The following TAFA2 variants were observed in gnomAD, a reference collection of about 807,000 sequenced individuals.
TAFA2 encodes TAFA chemokine like family member 2.
In TAFA2, 7 loss-of-function variants were observed where a neutral mutation model predicts 18.8. The observed-to-expected ratio is 0.37, with a 90% confidence interval of 0.21 to 0.70. The LOEUF (loss-of-function observed/expected upper bound fraction) is 0.70, where lower values mean the gene tolerates loss of function less well. TAFA2 is among the 30% of genes least tolerant of loss of function. TAFA2 has a pLI of 0.53. For synonymous variants in TAFA2, 60 were observed against 54.2 expected, an observed-to-expected ratio of 1.11 and a Z score of -0.47; for missense variants, 122 against 158.1, an observed-to-expected ratio of 0.77 and a Z score of 1.23.
chr12:62,225,291 T>C (rs1203011840), intron 1 of TAFA2, among the ~76,000 whole-genome samples: 1 of 152,168 alleles, frequency 6.6e-6, no homozygotes, highest in Non-Finnish European at 1.5e-5. Context: ...GCAAATGGTG[T>C]TGGGACAATA....
intron 1 of TAFA2, among the ~76,000 whole-genome samples, chr12:62,018,643 C>A (rs9739059): frequency 4.6e-5 from 7 of 151,904 alleles, no homozygotes; most frequent in African/African-American, 1.2e-4. Context: ...GAAACTGGAT[C>A]CCTTCCTTAC....
Position 61,708,585 on chromosome 12 carries a change from T to C in TAFA2, c.*1821A>G, listed in dbSNP as rs1201042972. The C allele has an allele frequency of 1.3e-5, 2 of 152,124 alleles. No individual in the cohort carries two copies. The highest frequency in any genetic ancestry group is 6.6e-5 in the Admixed American group (1 of 15,248). 9.4% of individuals were successfully genotyped at this position (152,124 alleles called of 1,614,324 possible). On this transcript the variant is annotated 3_prime_UTR_variant, in exon 5 of 5. Coordinates refer to ENST00000416284, the MANE Select transcript of TAFA2 (RefSeq NM_178539.5). ...GATGCAGAAACCCCAGGGCAACTTT[T>C]TTTTTATAATTTCATATAGTCTTGA...
chr12:62,110,515 C>T (rs1174436887), intron 1 of TAFA2, among the ~76,000 whole-genome samples: 4 of 151,630 alleles, frequency 2.6e-5, no homozygotes. Flanking sequence ...GGAGGACTCC[C>T]TCTTTTTCTA....
chr12:62,151,732 A>G (rs2062329811), intron 1 of TAFA2, among the ~76,000 whole-genome samples: 1 of 152,238 alleles, frequency 6.6e-6, no homozygotes, highest in Non-Finnish European at 1.5e-5. Flanking sequence ...CTTGTACATA[A>G]AATAGAAATC....
chr12:62,005,406 A>G (rs1880513982), intron 1 of TAFA2, among the ~76,000 whole-genome samples: 2 of 152,044 alleles, frequency 1.3e-5, no homozygotes, highest in African/African-American at 4.8e-5. Flanking sequence ...TTCCAATGAG[A>G]TCTTAAATAT....
At chr12:61,850,101 T>C (rs559313532) in intron 2 of TAFA2, among the ~76,000 whole-genome samples, 1 of 152,160 alleles carries the variant, frequency 6.6e-6, no homozygotes, top group Non-Finnish European at 1.5e-5. Context: ...AAAATCTTAC[T>C]CTGTATAAAT....
chr12:62,247,532 G>T (rs1007629313), intron 1 of TAFA2, among the ~76,000 whole-genome samples: 1 of 152,114 alleles, frequency 6.6e-6, no homozygotes, highest in Non-Finnish European at 1.5e-5. Context: ...CATGTTCAAA[G>T]TACAAAACCG....
intron 1 of TAFA2, among the ~76,000 whole-genome samples, chr12:62,227,841 T>C (rs75169413): frequency 0.023 from 3,485 of 152,282 alleles, 140 homozygotes; most frequent in African/African-American, 0.078. Context: ...TGTAGTTTTC[T>C]CAGTATCATT....
chr12:62,229,279 CT>C (rs1339720284), intron 1 of TAFA2, among the ~76,000 whole-genome samples: 1 of 151,834 alleles, frequency 6.6e-6, no homozygotes, highest in East Asian at 1.9e-4. Flanking sequence ...AAAAGTAGGC[CT>C]TTTTGTCTTT....
At chr12:62,069,517 A>G (rs1882573738) in intron 1 of TAFA2, among the ~76,000 whole-genome samples, 1 of 152,176 alleles carries the variant, frequency 6.6e-6, no homozygotes, top group Admixed American at 6.5e-5. Flanking sequence ...CTGTATTTCA[A>G]TAGCATGAAC....
At chr12:61,925,783 T>C (rs976541427) in intron 1 of TAFA2, among the ~76,000 whole-genome samples, 4 of 151,834 alleles carry the variant, frequency 2.6e-5, no homozygotes, top group African/African-American at 9.7e-5. Context: ...AACATCACAA[T>C]TAAAAGAACT....
intron 2 of TAFA2, among the ~76,000 whole-genome samples, chr12:61,838,236 G>A (rs1241081418): frequency 6.6e-6 from 1 of 151,902 alleles, no homozygotes; most frequent in African/African-American, 2.4e-5. Context: ...ATAGACAGAA[G>A]GGGAATCCAG....
intron 1 of TAFA2, among the ~76,000 whole-genome samples, chr12:61,960,955 G>C (rs1351572251): frequency 6.6e-6 from 1 of 151,806 alleles, no homozygotes. Context: ...AAATACCTGA[G>C]CCTAGGTAAT....
intron 1 of TAFA2, among the ~76,000 whole-genome samples, chr12:62,089,172 T>G (rs1430509645): frequency 1.3e-5 from 2 of 152,146 alleles, no homozygotes; most frequent in Non-Finnish European, 2.9e-5. Context: ...CCACGTTTAT[T>G]AACATTTGAA....
intron 2 of TAFA2, among the ~76,000 whole-genome samples, chr12:61,829,325 G>A (rs1455339723): frequency 6.6e-6 from 1 of 151,572 alleles, no homozygotes; most frequent in East Asian, 1.9e-4. Flanking sequence ...AGGCATTATT[G>A]AACTCGTATA....
At position 62,020,993 on chromosome 12, in the gene TAFA2, A is replaced by G. The variant is rs200558045; in HGVS notation, c.-1-153567T>C. On this transcript the variant is annotated intron_variant, in intron 1 of 4. Transcript: ENST00000416284. ...ATATTCACTCCTTTGCCTATTGTCC[A>G]TGGCTGCTTTTGTGATATGGTAGCA... 1.9e-4 allele frequency among the ~76,000 whole-genome samples: 29 copies of G among 152,352 alleles called. No individual in the cohort carries two copies. In the East Asian group the frequency reaches 5.2e-3, roughly 27 times the overall value.
chr12:61,842,928 A>G (rs1327613173), intron 2 of TAFA2, among the ~76,000 whole-genome samples: 3 of 152,042 alleles, frequency 2.0e-5, no homozygotes, highest in East Asian at 3.9e-4. Context: ...TATGACTGCA[A>G]CTGATCACTG....
At position 61,967,756 on chromosome 12, in the gene TAFA2, G is replaced by A. The variant is rs571934110; in HGVS notation, c.-1-100330C>T. On this transcript the variant is annotated intron_variant, in intron 1 of 4. Coordinates refer to ENST00000416284, the MANE Select transcript of TAFA2 (RefSeq NM_178539.5). ...TGAAAAAGGAAATCAGAATAAAACA[G>A]ACTGATAAGTCGAAATTTGTGAAAT... is the stretch of plus-strand genomic sequence containing the variant. 9.2e-5 allele frequency among the ~76,000 whole-genome samples: 14 copies of A among 151,924 alleles called. No individual in the cohort carries two copies. In the East Asian group the frequency reaches 9.7e-4, roughly 11 times the overall value.
chr12:62,181,096 C>T (rs191388027), intron 1 of TAFA2, among the ~76,000 whole-genome samples: 1 of 152,248 alleles, frequency 6.6e-6, no homozygotes, highest in East Asian at 1.9e-4. Context: ...TGACCTTTTG[C>T]CTAGAATGTA....
Sources: allele counts gnomAD v4.1 joint callset (sites outside exome capture counted in the v4.1 genomes callset), GRCh38; gene constraint gnomAD v4.1.1; transcripts MANE v1.5; gene names NCBI Gene and HGNC (gene_info 2026-07-23, HGNC 2026-07-21).